The following SECISBP2 variants were observed in gnomAD, a reference collection of about 807,000 sequenced individuals.
SECISBP2 encodes selenocysteine insertion sequence-binding protein 2.
SECISBP2 carries 96 observed loss-of-function variants against 98.2 expected under a neutral mutation model. The observed-to-expected ratio is 0.98, with a 90% CI of 0.83 to 1.16. SECISBP2 has a LOEUF of 1.16. Ranked by LOEUF, SECISBP2 falls within the 50% of genes most tolerant of loss-of-function variation. The pLI, the probability that SECISBP2 is intolerant of heterozygous loss-of-function variation, is 0.00. For synonymous variants in SECISBP2, 407 were observed against 370.2 expected (o/e 1.10, Z -1.14); for missense variants, 1,046 against 1,022.9 (o/e 1.02, Z -0.31).
At chr9:89,355,657 C>T in intron 14 of SECISBP2, 1 of 641,186 alleles carries the variant, frequency 1.6e-6, no homozygotes. Flanking sequence ...TTTTTAGTTG[C>T]ATCTAGGTAT....
intron 10 of SECISBP2, among the ~76,000 whole-genome samples, chr9:89,345,855 C>A (rs1464602530): frequency 6.6e-6 from 1 of 152,104 alleles, no homozygotes; most frequent in Non-Finnish European, 1.5e-5. Context: ...TGTTTCAAAC[C>A]CCATGTGGAA....
chr9:89,357,394 C>T lies in SECISBP2; in HGVS notation c.2114-17C>T. 6.2e-7 allele frequency: 1 copy of T among 1,613,808 alleles called. No homozygotes were observed. The highest frequency in any genetic ancestry group is 1.1e-5 in the South Asian group (1 of 91,078). On this transcript the variant is annotated splice_polypyrimidine_tract_variant and intron_variant, in intron 14 of 16. Transcript: ENST00000375807. ...TGTGACATGTCTTCCTGTCATTTTT[C>T]ATTGTCCTTTGACCAGGTGGGCTGG...
chr9:89,347,050 T>G lies in SECISBP2; in HGVS notation c.1602+2T>G. ...AAGAAGCCAACCTCACTGAAGAAGG[T>G]ATGTGGGGTGTTTCAGCCGAAGTGA... On this transcript the variant is annotated splice_donor_variant, in intron 11 of 16. Coordinates refer to ENST00000375807, the MANE Select transcript of SECISBP2 (RefSeq NM_024077.5). LOFTEE classifies it high-confidence loss of function. 6.2e-7 allele frequency: 1 copy of G among 1,613,808 alleles called. No homozygotes were observed. The highest frequency in any genetic ancestry group is 8.5e-7 in the Non-Finnish European group (1 of 1,179,876).
rs1212537671 is a variant in SECISBP2 at position 89,334,707 on chromosome 9, C to A, written c.1066C>A (p.His356Asn). 1 of 1,613,476 alleles carries A rather than the reference C, an allele frequency of 6.2e-7. No homozygotes were observed. The highest frequency in any genetic ancestry group is 2.2e-5 in the East Asian group (1 of 44,872). ...GGATCCTTCCTACAACAAAGAAAAA[C>A]ACATTATTCATCCTACCCAAAAGGT... ...SSDPSYNKEK[H>N]IIHPTQKSKA... Residue 356 changes from histidine to asparagine, a missense_variant, in exon 7 of 17, where the codon CAC becomes AAC. Coordinates refer to ENST00000375807, the MANE Select transcript of SECISBP2 (RefSeq NM_024077.5).
In SECISBP2 at chr9:89,332,931, C is replaced by T. The variant is rs200187621; in HGVS notation, c.825C>T (p.Asn275=). ...AGGGTGAAATAGTGGTGAAAAATAA[C>T]CCAAATGAATCTGTAACTGCTAATG... is the stretch of plus-strand genomic sequence containing the variant. ...LSKGEIVVKN[N]PNESVTANAA... The change falls in exon 6 of 17, where the codon AAC becomes AAT. Residue 275 remains asparagine, a synonymous_variant. Transcript: ENST00000375807. 6.2e-7 allele frequency: 1 copy of T among 1,613,822 alleles called. No homozygotes were observed. The highest frequency in any genetic ancestry group is 1.3e-5 in the African/African-American group (1 of 75,012).
intron 8 of SECISBP2, 109 bp downstream of exon 8, chr9:89,338,689 A>G: frequency 2.5e-6 from 3 of 1,193,704 alleles, no homozygotes; most frequent in Admixed American, 4.3e-5. Context: ...GGGCTTTTTA[A>G]TGATCATTTT....
chr9:89,355,698 G>A (rs780812093), intron 14 of SECISBP2: 65 of 311,836 alleles, frequency 2.1e-4, no homozygotes, highest in Non-Finnish European at 2.7e-4. Flanking sequence ...CCACTCCAGC[G>A]TTTAAAAGGT....
intron 7 of SECISBP2, among the ~76,000 whole-genome samples, chr9:89,336,731 C>G (rs1426732912): frequency 6.8e-6 from 1 of 146,274 alleles, no homozygotes; most frequent in African/African-American, 2.6e-5. Flanking sequence ...TCTGGGTGGC[C>G]AGGCGCAGGC....
At chr9:89,325,337 T>C (rs377237035) in intron 2 of SECISBP2, 90 bp from the exon 3 acceptor site, 3 of 1,233,812 alleles carry the variant, frequency 2.4e-6, no homozygotes, top group African/African-American at 1.5e-5. Context: ...CTCAGAAATA[T>C]TAAATGTTCA....
intron 14 of SECISBP2, chr9:89,355,382 G>A (rs1242775687): frequency 2.0e-6 from 2 of 985,264 alleles, no homozygotes; most frequent in South Asian, 4.7e-5. Flanking sequence ...AGGGTGGTGT[G>A]AGCATCCTCT....
In SECISBP2 at chr9:89,326,872, A is replaced by T. The variant is rs1337610142; in HGVS notation, c.574+834A>T. Among the ~76,000 whole-genome samples, 8 of 152,204 alleles carry T rather than the reference A, an allele frequency of 5.3e-5. No individual in the cohort carries two copies. The East Asian group carries it at 1.3e-3, about 26-fold the overall frequency. On this transcript the variant is annotated intron_variant, in intron 4 of 16. Transcript: ENST00000375807. ...ATAGTGGTAAGTATTTGTGTATCAA[A>T]ATATAGAAAAGGTACAGCGGTGGCT...
chr9:89,323,801 A>G (rs1344527749), intron 2 of SECISBP2: 2 of 152,200 alleles, frequency 1.3e-5, no homozygotes, highest in Admixed American at 6.5e-5. Flanking sequence ...TCTGCATGTA[A>G]TTGTGTTTGC....
chr9:89,318,749 G>T lies in SECISBP2; in HGVS notation c.36+137G>T. The T allele has an allele frequency of 3.3e-6, 4 of 1,229,774 alleles. 1 individual carries two copies. The South Asian group carries it at 6.2e-5, about 19-fold the overall frequency. 76.2% of individuals were successfully genotyped at this position (1,229,774 alleles called of 1,614,324 possible). A position where few individuals can be genotyped will look rare whatever the true frequency, so the allele number is the denominator to read the frequency against. On this transcript the variant is annotated intron_variant, in intron 1 of 16. Transcript: ENST00000375807. Reference sequence around the variant, plus strand: ...GTGACGGCACGGGAGCGCCCTACCGGGTGGCCGCGATCTTCGCGCCCCGCC... The same window carrying T: ...GTGACGGCACGGGAGCGCCCTACCGTGTGGCCGCGATCTTCGCGCCCCGCC...
chr9:89,326,900 C>T (rs1453246701), intron 4 of SECISBP2, among the ~76,000 whole-genome samples: 4 of 152,190 alleles, frequency 2.6e-5, no homozygotes, highest in South Asian at 2.1e-4. Context: ...CGGTGGCTCA[C>T]GCCTGTAATC....
chr9:89,364,665 A>G, the SECISBP2 span: 4 of 155,070 alleles, frequency 2.6e-5, no homozygotes, highest in African/African-American at 9.6e-5. Context: ...GATCTTAATT[A>G]CTTATTGAAG....
intron 11 of SECISBP2, among the ~76,000 whole-genome samples, chr9:89,347,465 CTTTTTTTTTTTTT>C (rs1184563393): frequency 3.4e-5 from 3 of 87,402 alleles, no homozygotes; most frequent in South Asian, 3.9e-4. Flanking sequence ...CCGGTGAATT[CTTTTTTTTTTTTT>C]TTTTTTTTTT....
At chr9:89,364,025 G>T, downstream of SECISBP2, 1 of 1,612,476 alleles carries the variant, frequency 6.2e-7, no homozygotes, top group South Asian at 1.1e-5. Flanking sequence ...GGGTGCAGGG[G>T]GGTTACCTCT....
intron 10 of SECISBP2, 44 bp from the exon 11 acceptor site, chr9:89,346,838 C>T: frequency 6.2e-6 from 10 of 1,612,106 alleles, no homozygotes; most frequent in Non-Finnish European, 8.5e-6. Flanking sequence ...CTGGGTGGGG[C>T]ATCTGGGAGG....
intron 5 of SECISBP2, among the ~76,000 whole-genome samples, chr9:89,331,212 G>A (rs185635282): frequency 9.9e-5 from 15 of 152,260 alleles, no homozygotes. Flanking sequence ...CGTTTGAATT[G>A]TTTAAAACTT....
Sources: gnomAD v4.1 joint callset for allele counts (sites outside exome capture counted in the v4.1 genomes callset) on GRCh38, gnomAD v4.1.1 for gene constraint, MANE v1.5 for transcripts, NCBI Gene and HGNC (gene_info 2026-07-23, HGNC 2026-07-21) for gene names.